CSMD3: variants seen among roughly 807,000 people sequenced by gnomAD.
CSMD3 encodes CUB and sushi domain-containing protein 3.
Under a neutral mutation model 435.2 loss-of-function variants are expected in CSMD3, and 177 were observed. The ratio of observed to expected loss-of-function variants is 0.41; its 90% CI spans 0.36 to 0.46. The LOEUF (loss-of-function observed/expected upper bound fraction) is 0.46, where lower values mean the gene tolerates loss of function less well. Ranked by LOEUF, CSMD3 falls within the 20% of genes least tolerant of loss-of-function variation. The pLI is 0.34. For missense variants in CSMD3, 4,265 were observed against 4,504.6 expected (o/e 0.95, Z 1.52); for synonymous variants, 1,656 against 1,520.5 (o/e 1.09, Z -2.07).
intron 31 of CSMD3, among the ~76,000 whole-genome samples, chr8:112,490,803 T>C (rs1820614429): frequency 6.6e-6 from 1 of 152,164 alleles, no homozygotes; most frequent in African/African-American, 2.4e-5. Flanking sequence ...TACATAATAC[T>C]AATTTATATG....
At chr8:112,827,096 C>A (rs1383942817) in intron 12 of CSMD3, among the ~76,000 whole-genome samples, 3 of 141,140 alleles carry the variant, frequency 2.1e-5, no homozygotes, top group African/African-American at 7.9e-5. Context: ...TATATTTAAC[C>A]AGTTCTAATA....
At chr8:112,397,203 A>G (rs1354784734) in intron 35 of CSMD3, among the ~76,000 whole-genome samples, 1 of 152,204 alleles carries the variant, frequency 6.6e-6, no homozygotes, top group Non-Finnish European at 1.5e-5. Flanking sequence ...TCATTTATGT[A>G]AAGATTAGTA....
intron 10 of CSMD3, among the ~76,000 whole-genome samples, chr8:112,881,904 A>C (rs2081459230): frequency 6.6e-6 from 1 of 151,968 alleles, no homozygotes. Context: ...CAAAATAATA[A>C]TATTTTTAAA....
At chr8:112,938,624 T>G (rs2083357677) in intron 9 of CSMD3, among the ~76,000 whole-genome samples, 1 of 152,078 alleles carries the variant, frequency 6.6e-6, no homozygotes, top group Admixed American at 6.6e-5. Flanking sequence ...AACTAGTAAG[T>G]TAGAGGAAAT....
intron 1 of CSMD3, among the ~76,000 whole-genome samples, chr8:113,411,482 T>G (rs937714863): frequency 6.6e-6 from 1 of 152,144 alleles, no homozygotes; most frequent in African/African-American, 2.4e-5. Context: ...ACTCAGTAAA[T>G]AAAAATACAT....
At chr8:113,079,145 C>T (rs893955192) in intron 5 of CSMD3, among the ~76,000 whole-genome samples, 2 of 152,130 alleles carry the variant, frequency 1.3e-5, no homozygotes, top group Middle Eastern at 3.4e-3. Context: ...TCTAATTATC[C>T]TAACTTACTC....
At chr8:113,425,559 T>C (rs187411733) in intron 1 of CSMD3, among the ~76,000 whole-genome samples, 4 of 151,388 alleles carry the variant, frequency 2.6e-5, no homozygotes, top group African/African-American at 9.7e-5. Context: ...AAAATGTCAT[T>C]TCTGATATCT....
At chr8:112,593,367 G>A (rs1261542989) in intron 22 of CSMD3, among the ~76,000 whole-genome samples, 2 of 152,200 alleles carry the variant, frequency 1.3e-5, no homozygotes, top group Non-Finnish European at 2.9e-5. Flanking sequence ...AGCAATGGAG[G>A]AAGAGGAGAT....
chr8:112,432,308 A>C (rs1434720456), intron 32 of CSMD3, among the ~76,000 whole-genome samples: 1 of 152,034 alleles, frequency 6.6e-6, no homozygotes, highest in African/African-American at 2.4e-5. Flanking sequence ...AATTTATTCA[A>C]CTTATTTTAC....
At chr8:112,854,638 T>C (rs2080593562) in intron 11 of CSMD3, among the ~76,000 whole-genome samples, 1 of 152,180 alleles carries the variant, frequency 6.6e-6, no homozygotes, top group Admixed American at 6.5e-5. Flanking sequence ...ACTCACAAAG[T>C]TTCTTATGTG....
At chr8:112,383,244 A>G (rs1829636635) in intron 37 of CSMD3, among the ~76,000 whole-genome samples, 1 of 152,118 alleles carries the variant, frequency 6.6e-6, no homozygotes, top group Non-Finnish European at 1.5e-5. Context: ...ATTTTTAATT[A>G]TTATTGCTCA....
chr8:113,218,719 T>G (rs2092934047), intron 3 of CSMD3, among the ~76,000 whole-genome samples: 1 of 151,300 alleles, frequency 6.6e-6, no homozygotes, highest in African/African-American at 2.4e-5. Flanking sequence ...CATAAAAATT[T>G]ATATTTAACA....
intron 3 of CSMD3, among the ~76,000 whole-genome samples, chr8:113,182,900 C>T (rs1264776694): frequency 6.7e-6 from 1 of 150,142 alleles, no homozygotes; most frequent in African/African-American, 2.5e-5. Context: ...TTGTTGTTAT[C>T]GTTTTTCTAT....
Position 112,874,698 on chromosome 8 carries a change from G to A in CSMD3, c.1634-15432C>T, listed in dbSNP as rs111526750. 1.9e-3 allele frequency among the ~76,000 whole-genome samples: 289 copies of A among 152,192 alleles called. 1 individual carries two copies. The highest frequency in any genetic ancestry group is 6.5e-3 in the African/African-American group (271 of 41,544). ...TTTGATCTTTGTTGGTTTAAAGTCT[G>A]TTTTATCAGAGGCTAGGATTGCAAC... On this transcript the variant is annotated intron_variant, in intron 10 of 70. Coordinates refer to ENST00000297405, the MANE Select transcript of CSMD3 (RefSeq NM_198123.2).
intron 32 of CSMD3, among the ~76,000 whole-genome samples, chr8:112,445,466 G>A (rs542612315): frequency 3.9e-5 from 6 of 152,158 alleles, no homozygotes; most frequent in Admixed American, 3.9e-4. Flanking sequence ...CAAAGGGTGA[G>A]AAGGTGTGTC....
intron 3 of CSMD3, among the ~76,000 whole-genome samples, chr8:113,189,860 T>G (rs564649546): frequency 1.3e-5 from 2 of 151,936 alleles, no homozygotes; most frequent in East Asian, 1.9e-4. Context: ...TTTGCAATCA[T>G]GTTTTGTTTT....
chr8:112,990,676 A>G (rs2085424414), intron 6 of CSMD3, among the ~76,000 whole-genome samples: 2 of 151,986 alleles, frequency 1.3e-5, no homozygotes, highest in Admixed American at 1.3e-4. Context: ...AAGACCACTT[A>G]GTATGGGTAA....
At chr8:112,343,009 A>ATATATT (rs1413476674) in intron 41 of CSMD3, among the ~76,000 whole-genome samples, 6 of 94,774 alleles carry the variant, frequency 6.3e-5, no homozygotes, top group African/African-American at 1.8e-4. Context: ...ATTTATATAT[A>ATATATT]TATATATTTA....
chr8:112,285,407 T>A (rs1178111420), intron 58 of CSMD3, among the ~76,000 whole-genome samples: 2 of 152,064 alleles, frequency 1.3e-5, no homozygotes, highest in African/African-American at 4.8e-5. Context: ...AAGTTGCAAC[T>A]CCTTCTTAAG....
Sources: allele counts gnomAD v4.1 joint callset (sites outside exome capture counted in the v4.1 genomes callset), GRCh38; gene constraint gnomAD v4.1.1; transcripts MANE v1.5; gene names NCBI Gene and HGNC (gene_info 2026-07-23, HGNC 2026-07-21).